Variants in KCNIP4 observed in about 807,000 individuals in gnomAD.
The protein encoded by KCNIP4 is potassium voltage-gated channel interacting protein 4, also known as Kv channel-interacting protein 4.
KCNIP4 carries 12 observed loss-of-function variants against 34.0 expected under a neutral mutation model. That is an observed-to-expected ratio of 0.35 (90% CI 0.23 to 0.57). KCNIP4 has a LOEUF of 0.57. Among genes scored for constraint, KCNIP4 ranks in the 20% least tolerant of loss-of-function variants. The probability of loss-of-function intolerance (pLI) is 0.83; values close to 1 mark genes in which losing one functional copy is unlikely to be tolerated. For synonymous variants in KCNIP4, 124 were observed against 102.2 expected (o/e 1.21, Z -1.29); for missense variants, 238 against 311.7 (o/e 0.76, Z 1.78).
In KCNIP4 at chr4:21,152,515, T is replaced by C. The variant is rs551403349; in HGVS notation, c.62-269806A>G. The stretch of plus-strand genomic sequence containing the variant: ...CATAATACAAGCCATTTTTTTTTTT[T>C]GGTTTCTAATTTCTAATTCTTTCCA... On this transcript the variant is annotated intron_variant, in intron 1 of 8. Transcript: ENST00000382152. 3.3e-5 allele frequency among the ~76,000 whole-genome samples: 5 copies of C among 152,080 alleles called. No homozygotes were observed. The East Asian group carries it at 9.7e-4, about 29-fold the overall frequency.
At chr4:21,292,714 A>G (rs1216841548) in intron 1 of KCNIP4, among the ~76,000 whole-genome samples, 1 of 152,180 alleles carries the variant, frequency 6.6e-6, no homozygotes, top group Non-Finnish European at 1.5e-5. Context: ...ATACTAACTA[A>G]GAAGAAAGCA....
At chr4:21,345,650 G>T (rs1349683320) in intron 1 of KCNIP4, among the ~76,000 whole-genome samples, 1 of 152,120 alleles carries the variant, frequency 6.6e-6, no homozygotes, top group Non-Finnish European at 1.5e-5. Flanking sequence ...GAGGCTGATG[G>T]CCAGGGTATG....
intron 1 of KCNIP4, among the ~76,000 whole-genome samples, chr4:21,455,837 A>ACAAAAT (rs1728909932): frequency 3.2e-5 from 4 of 125,212 alleles, no homozygotes; most frequent in African/African-American, 1.4e-4. Flanking sequence ...ATATATATAT[A>ACAAAAT]TATATATATA....
chr4:21,601,675 C>T (rs1743175303), intron 1 of KCNIP4, among the ~76,000 whole-genome samples: 1 of 152,006 alleles, frequency 6.6e-6, no homozygotes, highest in African/African-American at 2.4e-5. Flanking sequence ...TGATTCCTGC[C>T]TACCCTCTGC....
chr4:20,884,592 A>G (rs1390074339), intron 1 of KCNIP4, among the ~76,000 whole-genome samples: 2 of 151,954 alleles, frequency 1.3e-5, no homozygotes, highest in Admixed American at 1.3e-4. Context: ...CTCCCTACAC[A>G]GGCACTCTGC....
chr4:21,876,176 T>C (rs1048517425), intron 1 of KCNIP4, among the ~76,000 whole-genome samples: 1 of 152,210 alleles, frequency 6.6e-6, no homozygotes, highest in Non-Finnish European at 1.5e-5. Flanking sequence ...CACTTCACTA[T>C]GAACGTATTA....
At chr4:21,833,300 G>A (rs2109308414) in intron 1 of KCNIP4, among the ~76,000 whole-genome samples, 1 of 152,106 alleles carries the variant, frequency 6.6e-6, no homozygotes, top group South Asian at 2.1e-4. Flanking sequence ...GTGTGAGATG[G>A]TATCTCATTG....
At chr4:21,831,762 C>T (rs73256574) in intron 1 of KCNIP4, among the ~76,000 whole-genome samples, 47 of 150,936 alleles carry the variant, frequency 3.1e-4, no homozygotes, top group Non-Finnish European at 4.0e-4. Flanking sequence ...TTAAACTCTT[C>T]CAAAACACTG....
intron 1 of KCNIP4, among the ~76,000 whole-genome samples, chr4:21,689,751 T>TC (rs1210580807): frequency 4.6e-5 from 7 of 152,112 alleles, no homozygotes; most frequent in Non-Finnish European, 8.8e-5. Context: ...GATGAAATGC[T>TC]CCCTTATGCC....
chr4:21,373,956 C>T (rs746367104), intron 1 of KCNIP4, among the ~76,000 whole-genome samples: 9 of 83,762 alleles, frequency 1.1e-4, no homozygotes, highest in East Asian at 4.1e-4. Context: ...TCACCCACCT[C>T]GGCCTCCCAA....
At chr4:20,791,272 T>A (rs1712718973) in intron 3 of KCNIP4, among the ~76,000 whole-genome samples, 1 of 152,078 alleles carries the variant, frequency 6.6e-6, no homozygotes, top group Non-Finnish European at 1.5e-5. Context: ...CTGAAAGACA[T>A]AACTTACTAC....
intron 1 of KCNIP4, among the ~76,000 whole-genome samples, chr4:21,556,929 A>AAAAAAAAAAAAAAAAAAAAAC (rs1739091307): frequency 2.0e-5 from 3 of 147,690 alleles, no homozygotes; most frequent in Non-Finnish European, 4.5e-5. Context: ...TCAGAAAAAA[A>AAAAAAAAAAAAAAAAAAAAAC]AAAAAAAAAA....
chr4:21,390,752 G>A, intron 1 of KCNIP4, among the ~76,000 whole-genome samples: 1 of 152,126 alleles, frequency 6.6e-6, no homozygotes, highest in East Asian at 1.9e-4. Context: ...CTCCAGCTTT[G>A]TTCTTTTGGC....
intron 1 of KCNIP4, among the ~76,000 whole-genome samples, chr4:21,564,757 T>A (rs1246813493): frequency 6.6e-6 from 1 of 152,052 alleles, no homozygotes; most frequent in African/African-American, 2.4e-5. Context: ...TCAGGATGCT[T>A]CCACTCATGG....
At chr4:21,324,068 A>T (rs1714779450) in intron 1 of KCNIP4, among the ~76,000 whole-genome samples, 1 of 151,966 alleles carries the variant, frequency 6.6e-6, no homozygotes, top group Admixed American at 6.6e-5. Flanking sequence ...ATCTACTCAA[A>T]TCTTTTGCCC....
At chr4:21,408,760 G>C (rs556564539) in intron 1 of KCNIP4, among the ~76,000 whole-genome samples, 3 of 152,312 alleles carry the variant, frequency 2.0e-5, no homozygotes, top group African/African-American at 7.2e-5. Flanking sequence ...AGGAAGCCTG[G>C]TGTGATTCTC....
chr4:21,891,448 G>A (rs139304861), intron 1 of KCNIP4, among the ~76,000 whole-genome samples: 6 of 152,132 alleles, frequency 3.9e-5, no homozygotes, highest in Admixed American at 2.6e-4. Context: ...CCTAAGAAAC[G>A]AGTCAGCGAC....
chr4:20,824,359 G>T (rs1302063870), intron 3 of KCNIP4, among the ~76,000 whole-genome samples: 2 of 152,130 alleles, frequency 1.3e-5, no homozygotes, highest in South Asian at 2.1e-4. Context: ...GCCTGGTTTA[G>T]AATGACAAAT....
rs34972685 is a variant in KCNIP4, at chr4:21,863,260, A to ATT, written c.61+85309_61+85310dup. Among the ~76,000 whole-genome samples, 805 of 141,702 alleles carry ATT rather than the reference A, an allele frequency of 5.7e-3. 10 individuals are homozygous for ATT. Among genetic ancestry groups the ATT allele is most frequent in the African/African-American group, 9.3e-3 (360 of 38,832 alleles). 93.0% of individuals were successfully genotyped at this position (141,702 alleles called of 152,430 possible). A position where few individuals can be genotyped will look rare whatever the true frequency, so the allele number is the denominator to read the frequency against. ...ATGGCTAATAAATTCCACGGATTGA[A>ATT]TTTTTTTTTTTTTTTTGGCAGATGG... On this transcript the variant is annotated intron_variant, in intron 1 of 8. Coordinates refer to ENST00000382152, the MANE Select transcript of KCNIP4 (RefSeq NM_025221.6).
Sources: allele counts gnomAD v4.1 joint callset (sites outside exome capture counted in the v4.1 genomes callset), GRCh38; gene constraint gnomAD v4.1.1; transcripts MANE v1.5; gene names NCBI Gene and HGNC (gene_info 2026-07-23, HGNC 2026-07-21).